Variants in LGR5 observed in about 807,000 individuals in gnomAD.
The protein encoded by LGR5 is leucine rich repeat containing G protein-coupled receptor 5.
LGR5 carries 54 observed loss-of-function variants against 76.7 expected under a neutral mutation model. That is an observed-to-expected ratio of 0.70 (90% CI 0.57 to 0.88). The LOEUF is 0.88. Among genes scored for constraint, LGR5 ranks in the 40% least tolerant of loss-of-function variants. The pLI, the probability that LGR5 is intolerant of heterozygous loss-of-function variation, is 0.00. For synonymous variants in LGR5, 406 were observed against 421.9 expected, an observed-to-expected ratio of 0.96 and a Z score of 0.46; for missense variants, 1,078 against 1,073.3, an observed-to-expected ratio of 1.00 and a Z score of -0.06.
chr12:71,507,188 C>G (rs540997831), intron 2 of LGR5, among the ~76,000 whole-genome samples: 133 of 152,216 alleles, frequency 8.7e-4, no homozygotes, highest in African/African-American at 2.6e-3. Context: ...ACTTACCCAA[C>G]ATAATGGAGT....
chr12:71,447,523 T>C (rs915837484), intron 1 of LGR5, among the ~76,000 whole-genome samples: 4 of 152,202 alleles, frequency 2.6e-5, no homozygotes, highest in African/African-American at 9.6e-5. Context: ...TAACAATTTA[T>C]TCAACAATCT....
chr12:71,548,966 G>A (rs1478119329), intron 4 of LGR5, among the ~76,000 whole-genome samples: 1 of 152,186 alleles, frequency 6.6e-6, no homozygotes, highest in Admixed American at 6.5e-5. Flanking sequence ...TATTTTATAT[G>A]TGTATGTCTT....
chr12:71,514,035 T>G (rs1875303660), intron 2 of LGR5, among the ~76,000 whole-genome samples: 1 of 152,114 alleles, frequency 6.6e-6, no homozygotes, highest in Non-Finnish European at 1.5e-5. Flanking sequence ...TAGTCCCAGC[T>G]ACCAGAGAGG....
At chr12:71,568,720 A>G (rs1795464) in intron 11 of LGR5, among the ~76,000 whole-genome samples, 133,883 of 151,964 alleles carry the variant, frequency 0.88, 60,955 homozygotes, top group East Asian at 1. Context: ...CTAGAACCCC[A>G]GAGCCTCACC....
rs754822608 is a variant in LGR5, at chr12:71,535,070, T to G, written c.357-45T>G. 16 of 1,378,344 alleles carry G rather than the reference T, an allele frequency of 1.2e-5. No homozygotes were observed. In the South Asian group the frequency reaches 1.8e-4, roughly 15 times the overall value. 85.4% of individuals were successfully genotyped at this position (1,378,344 alleles called of 1,614,324 possible). Reference sequence around the variant, plus strand: ...GCCTGGCCTTGTTTAGGCCTGTTATTGTTCATTTTTTTTAACATTTTTCTT... The same window carrying G: ...GCCTGGCCTTGTTTAGGCCTGTTATGGTTCATTTTTTTTAACATTTTTCTT... On this transcript the variant is annotated intron_variant, in intron 3 of 17. Coordinates refer to ENST00000266674, the MANE Select transcript of LGR5 (RefSeq NM_003667.4).
intron 1 of LGR5, among the ~76,000 whole-genome samples, chr12:71,494,470 T>C (rs1487759746): frequency 6.6e-6 from 1 of 151,162 alleles, no homozygotes. Context: ...ATGCATGCCA[T>C]TGTTTCTGAG....
intron 2 of LGR5, among the ~76,000 whole-genome samples, chr12:71,509,862 TG>T (rs970225621): frequency 6.6e-5 from 10 of 152,214 alleles, no homozygotes; most frequent in Admixed American, 1.3e-4. Context: ...TATTGTTCCC[TG>T]GAACCGTTTG....
At chr12:71,487,769 A>C (rs530743086) in intron 1 of LGR5, among the ~76,000 whole-genome samples, 1 of 152,356 alleles carries the variant, frequency 6.6e-6, no homozygotes, top group East Asian at 1.9e-4. Context: ...GTTATTATAC[A>C]TAGGGGTCCA....
At chr12:71,517,224 G>A (rs1393255351) in intron 2 of LGR5, among the ~76,000 whole-genome samples, 1 of 152,168 alleles carries the variant, frequency 6.6e-6, no homozygotes, top group Non-Finnish European at 1.5e-5. Flanking sequence ...AGAAATAAAA[G>A]GGGAATGATT....
At chr12:71,508,087 G>A (rs192564501) in intron 2 of LGR5, among the ~76,000 whole-genome samples, 464 of 151,816 alleles carry the variant, frequency 3.1e-3, no homozygotes, top group Middle Eastern at 6.8e-3. Flanking sequence ...AAATTGTTGG[G>A]AGTAGTGGTG....
chr12:71,526,941 G>A (rs567307293), intron 3 of LGR5, among the ~76,000 whole-genome samples: 1 of 152,278 alleles, frequency 6.6e-6, no homozygotes, highest in Admixed American at 6.5e-5. Context: ...CTCCAAGCAG[G>A]TTAGTACTTG....
intron 7 of LGR5, among the ~76,000 whole-genome samples, chr12:71,559,866 T>C (rs1001862549): frequency 1.3e-5 from 2 of 152,154 alleles, no homozygotes; most frequent in Non-Finnish European, 2.9e-5. Flanking sequence ...TTCTAACATA[T>C]ATATTAAAAA....
At chr12:71,491,164 G>A (rs955447116) in intron 1 of LGR5, among the ~76,000 whole-genome samples, 1 of 120,164 alleles carries the variant, frequency 8.3e-6, no homozygotes, top group Admixed American at 7.6e-5. Flanking sequence ...ATATGGAACT[G>A]TGTGAGCTCA....
intron 2 of LGR5, among the ~76,000 whole-genome samples, chr12:71,505,199 G>T (rs930792460): frequency 6.6e-6 from 1 of 152,044 alleles, no homozygotes; most frequent in East Asian, 1.9e-4. Flanking sequence ...GGCTTCAGTA[G>T]AAAAATGTGA....
intron 3 of LGR5, among the ~76,000 whole-genome samples, chr12:71,534,347 C>T (rs1019036545): frequency 6.6e-6 from 1 of 152,118 alleles, no homozygotes; most frequent in African/African-American, 2.4e-5. Context: ...AAAAACTGTT[C>T]AAGATTTTCA....
intron 17 of LGR5, among the ~76,000 whole-genome samples, chr12:71,582,819 G>A (rs1196244305): frequency 3.9e-5 from 6 of 152,068 alleles, no homozygotes; most frequent in Admixed American, 3.3e-4. Context: ...AATGATATTA[G>A]CAATTTACCC....
intron 1 of LGR5, among the ~76,000 whole-genome samples, chr12:71,485,973 C>T (rs1873807577): frequency 1.3e-5 from 2 of 151,972 alleles, no homozygotes; most frequent in South Asian, 4.1e-4. Context: ...ACTATGTTGG[C>T]TAGGGTGGTC....
chr12:71,568,055 C>A (rs1178468992), intron 11 of LGR5, among the ~76,000 whole-genome samples: 1 of 152,134 alleles, frequency 6.6e-6, no homozygotes, highest in Non-Finnish European at 1.5e-5. Context: ...ACACCCAGAA[C>A]AGGTATAATC....
intron 11 of LGR5, among the ~76,000 whole-genome samples, chr12:71,569,659 C>T (rs1481877509): frequency 6.6e-6 from 1 of 152,204 alleles, no homozygotes; most frequent in Non-Finnish European, 1.5e-5. Context: ...CAAGAAACAA[C>T]AAATGCTGGC....
Sources: gnomAD v4.1 joint callset for allele counts (sites outside exome capture counted in the v4.1 genomes callset) on GRCh38, gnomAD v4.1.1 for gene constraint, MANE v1.5 for transcripts, NCBI Gene and HGNC (gene_info 2026-07-23, HGNC 2026-07-21) for gene names.